SHROOM4: variants seen among roughly 807,000 people sequenced by gnomAD.
The protein encoded by SHROOM4 is shroom family member 4.
Under a neutral mutation model 80.3 loss-of-function variants are expected in SHROOM4, and 17 were observed. The observed-to-expected ratio is 0.21, with a 90% CI of 0.14 to 0.32. SHROOM4 has a LOEUF of 0.32. SHROOM4 is among the 10% of genes least tolerant of loss of function. The pLI is 1.00. For missense variants in SHROOM4, 993 were observed against 1,140.3 expected (o/e 0.87, Z 1.86); for synonymous variants, 400 against 437.5 (o/e 0.91, Z 1.07).
At chrX:50,636,641 C>A (rs1931371891) in intron 3 of SHROOM4, among the ~76,000 whole-genome samples, 1 of 111,600 alleles carries the variant, frequency 9.0e-6, no homozygotes, top group Admixed American at 9.5e-5. Context: ...AGTTTTTCAA[C>A]CCTTGTCCCA....
At chrX:50,771,086 G>A (rs1180585429) in intron 1 of SHROOM4, among the ~76,000 whole-genome samples, 1 of 111,907 alleles carries the variant, frequency 8.9e-6, no homozygotes, top group Non-Finnish European at 1.9e-5. Context: ...AGGCTCACTA[G>A]AAAGCTGAAT....
chrX:50,739,400 C>A (rs1259269636), intron 1 of SHROOM4, among the ~76,000 whole-genome samples: 1 of 111,310 alleles, frequency 9.0e-6, no homozygotes, highest in Non-Finnish European at 1.9e-5. Flanking sequence ...AGGCAGCCTA[C>A]AGAATGGGAG....
At chrX:50,687,603 C>G (rs981396913) in intron 2 of SHROOM4, among the ~76,000 whole-genome samples, 2 of 110,691 alleles carry the variant, frequency 1.8e-5, no homozygotes, top group Non-Finnish European at 3.8e-5. Flanking sequence ...ATGACAACAA[C>G]AAAGACAGGA....
At chrX:50,645,999 C>T (rs1199325456) in intron 2 of SHROOM4, among the ~76,000 whole-genome samples, 7 of 111,433 alleles carry the variant, frequency 6.3e-5, no homozygotes, top group Non-Finnish European at 1.3e-4. Context: ...CTTCCGATAG[C>T]ACCATCTGTC....
intron 4 of SHROOM4, among the ~76,000 whole-genome samples, chrX:50,629,141 CT>C (rs1379915874): frequency 1.8e-5 from 2 of 110,970 alleles, no homozygotes; most frequent in African/African-American, 3.3e-5. Flanking sequence ...TATCACTCTA[CT>C]TTTTTTTTCC....
chrX:50,768,574 G>A (rs1348469118), intron 1 of SHROOM4, among the ~76,000 whole-genome samples: 1 of 112,070 alleles, frequency 8.9e-6, no homozygotes, highest in Admixed American at 9.4e-5. Context: ...GCCATCCTTC[G>A]AGTTTGGTCA....
At chrX:50,652,304 G>C (rs189824437) in intron 2 of SHROOM4, among the ~76,000 whole-genome samples, 104 of 112,100 alleles carry the variant, frequency 9.3e-4, no homozygotes, top group African/African-American at 3.2e-3. Flanking sequence ...ATCTCATTGT[G>C]GTTTTGATTT....
intron 1 of SHROOM4, among the ~76,000 whole-genome samples, chrX:50,767,937 G>A (rs191472579): frequency 8.9e-6 from 1 of 111,888 alleles, no homozygotes; most frequent in East Asian, 2.8e-4. Context: ...TTAGAGTCAT[G>A]GTAATATGCC....
chrX:50,795,518 G>T (rs1935993558), intron 1 of SHROOM4, among the ~76,000 whole-genome samples: 1 of 111,053 alleles, frequency 9.0e-6, no homozygotes, highest in African/African-American at 3.3e-5. Flanking sequence ...AAAGAACATG[G>T]TGAGCACCAG....
At chrX:50,609,663 ATATG>A (rs1237160730) in intron 5 of SHROOM4, among the ~76,000 whole-genome samples, 2 of 27,682 alleles carry the variant, frequency 7.2e-5, no homozygotes, top group Non-Finnish European at 1.0e-4. Flanking sequence ...AGAGTCATGG[ATATG>A]TGTGTGTGTG....
chrX:50,795,615 G>A (rs1217256340), intron 1 of SHROOM4, among the ~76,000 whole-genome samples: 2 of 111,598 alleles, frequency 1.8e-5, no homozygotes, highest in African/African-American at 6.5e-5. Context: ...AGGTAGCTGG[G>A]ACTAGAAATG....
chrX:50,663,647 C>T (rs554648664), intron 2 of SHROOM4, among the ~76,000 whole-genome samples: 289 of 111,022 alleles, frequency 2.6e-3, no homozygotes, highest in African/African-American at 8.0e-3. Context: ...GGATGGACCT[C>T]CTTTATGTTT....
At chrX:50,650,784 C>G (rs1036887649) in intron 2 of SHROOM4, among the ~76,000 whole-genome samples, 1 of 112,579 alleles carries the variant, frequency 8.9e-6, no homozygotes, top group Non-Finnish European at 1.9e-5. Flanking sequence ...CTGGTGATTT[C>G]ACTTAACTAT....
chrX:50,618,276 TCC>T (rs782649104), intron 5 of SHROOM4, among the ~76,000 whole-genome samples: 1 of 87,040 alleles, frequency 1.1e-5, no homozygotes, highest in African/African-American at 4.1e-5. Context: ...TCTCTTCTCT[TCC>T]CCTTCCTTCC....
At chrX:50,700,080 A>G (rs781955527) in intron 1 of SHROOM4, among the ~76,000 whole-genome samples, 2 of 111,611 alleles carry the variant, frequency 1.8e-5, no homozygotes, top group Admixed American at 9.5e-5. Context: ...ATGGGCATCA[A>G]CTGAAACTTT....
downstream of SHROOM4, among the ~76,000 whole-genome samples, chrX:50,585,884 A>G (rs1234609608): frequency 2.7e-5 from 3 of 111,028 alleles, no homozygotes; most frequent in Admixed American, 1.9e-4. Flanking sequence ...GATTTTAGTA[A>G]CGGTCTGAGT....
At chrX:50,797,534 G>C (rs1276392677) in intron 1 of SHROOM4, among the ~76,000 whole-genome samples, 1 of 111,944 alleles carries the variant, frequency 8.9e-6, no homozygotes, top group Non-Finnish European at 1.9e-5. Context: ...CACAGTGGGA[G>C]GTAGTGGTGA....
chrX:50,697,936 T>TC (rs1479583391), intron 1 of SHROOM4, among the ~76,000 whole-genome samples: 13 of 112,240 alleles, frequency 1.2e-4, no homozygotes, highest in African/African-American at 2.9e-4. Flanking sequence ...TGAAAGAGTT[T>TC]CCCGAGGCTA....
intron 2 of SHROOM4, among the ~76,000 whole-genome samples, chrX:50,682,622 A>G (rs1160511548): frequency 8.9e-6 from 1 of 111,898 alleles, no homozygotes; most frequent in African/African-American, 3.3e-5. Context: ...GTCTGGGGAT[A>G]TCAACCCTAA....
Sources: allele counts gnomAD v4.1 joint callset (sites outside exome capture counted in the v4.1 genomes callset), GRCh38; gene constraint gnomAD v4.1.1; transcripts MANE v1.5; gene names NCBI Gene and HGNC (gene_info 2026-07-23, HGNC 2026-07-21).